The following HPS1 variants were observed in gnomAD, a reference collection of about 807,000 sequenced individuals.
HPS1 encodes the protein HPS1 biogenesis of lysosomal organelles complex 3 subunit 1, also known as BLOC-3 complex member HPS1.
Under a neutral mutation model 90.6 loss-of-function variants are expected in HPS1, and 59 were observed. That is an observed-to-expected ratio of 0.65 (90% confidence interval 0.53 to 0.81). HPS1 has a LOEUF of 0.81. HPS1 is among the 30% of genes least tolerant of loss of function. The pLI is 0.00. For missense variants in HPS1, 849 were observed against 896.7 expected (o/e 0.95, Z 0.68); for synonymous variants, 388 against 384.4 (o/e 1.01, Z -0.11).
Position 98,420,415 on chromosome 10 carries a change from C to G in HPS1, c.1744-257G>C, listed in dbSNP as rs142728664. The G allele has an allele frequency of 9.9e-4, 433 of 436,256 alleles. 2 individuals are homozygous for G. The highest frequency in any genetic ancestry group is 8.4e-3 in the African/African-American group (418 of 49,524). 27.0% of individuals were successfully genotyped at this position (436,256 alleles called of 1,614,324 possible). A position where few individuals can be genotyped will look rare whatever the true frequency, so the allele number is the denominator to read the frequency against. ...TGTGTAACTTTACTATACACATATG[C>G]CATAAATTAGTGAACTGGGCTAGTG... On this transcript the variant is annotated intron_variant, in intron 17 of 19. Coordinates refer to ENST00000361490, the MANE Select transcript of HPS1 (RefSeq NM_000195.5).
chr10:98,439,322 G>A (rs551410877), intron 3 of HPS1, among the ~76,000 whole-genome samples: 79 of 152,278 alleles, frequency 5.2e-4, no homozygotes, highest in African/African-American at 1.8e-3. Context: ...TGGAAAAGCC[G>A]CAGACACTCA....
chr10:98,444,543 C>A (rs1316746083), intron 2 of HPS1, among the ~76,000 whole-genome samples: 1 of 152,182 alleles, frequency 6.6e-6, no homozygotes, highest in East Asian at 1.9e-4. Context: ...GGTATGTGCG[C>A]TAAGCCATGA....
At chr10:98,427,410 G>A (rs557224994) in intron 10 of HPS1, 146 bp from the exon 11 acceptor site, 73 of 679,686 alleles carry the variant, frequency 1.1e-4, no homozygotes, top group Non-Finnish European at 1.8e-5. Flanking sequence ...TGTGGCTGGG[G>A]CAACACCCCT....
downstream of HPS1, chr10:98,415,241 C>T (rs1465186052): frequency 2.1e-5 from 29 of 1,394,764 alleles, no homozygotes; most frequent in Non-Finnish European, 2.8e-5. Context: ...AGAGGAGGAG[C>T]TGCAGTCCCC....
Position 98,417,392 on chromosome 10 carries a change from C to T in HPS1, c.*172G>A. 5.0e-6 allele frequency: 3 copies of T among 594,494 alleles called. No individual in the cohort carries two copies. The highest frequency in any genetic ancestry group is 8.9e-6 in the Non-Finnish European group (3 of 336,420). The allele number at this position is 594,494 out of a possible 1,614,324, so 36.8% of individuals were successfully genotyped here. A position where few individuals can be genotyped will look rare whatever the true frequency, so the allele number is the denominator to read the frequency against. On this transcript the variant is annotated 3_prime_UTR_variant, in exon 20 of 20. Transcript: ENST00000361490. The surrounding 1 kb of genome is among the most constrained non-coding windows in gnomAD (Gnocchi z 4.2). ...GAAGGATCTGGGGCCTTGCTCAGTA[C>T]CTGACATGGAGGGTGGTCTAGGTGG...
intron 11 of HPS1, 129 bp from the exon 12 acceptor site, chr10:98,426,114 C>T: frequency 7.3e-6 from 6 of 821,382 alleles, no homozygotes; most frequent in East Asian, 2.7e-5. Flanking sequence ...TAAATTCCTG[C>T]ACTCTGCTGA....
rs532477072 is a variant in HPS1, at chr10:98,435,165, G to A, written c.398+107C>T. The A allele has an allele frequency of 5.9e-6, 8 of 1,366,400 alleles. No homozygotes were observed. The highest frequency in any genetic ancestry group is 2.4e-4 in the Middle Eastern group (1 of 4,172). 84.6% of individuals were successfully genotyped at this position (1,366,400 alleles called of 1,614,324 possible). A position where few individuals can be genotyped will look rare whatever the true frequency, so the allele number is the denominator to read the frequency against. On this transcript the variant is annotated intron_variant, in intron 5 of 19. Transcript: ENST00000361490. The surrounding 1 kb of genome is among the most constrained non-coding windows in gnomAD (Gnocchi z 4.3). The stretch of plus-strand genomic sequence containing the variant: ...GTTTCTCTGACCTAGGGACCCAGCT[G>A]GGGGCAGTATGTGAAAAATGGCAGC...
intron 8 of HPS1, 60 bp downstream of exon 8, chr10:98,430,511 G>A (rs775897812): frequency 6.4e-5 from 85 of 1,323,466 alleles, no homozygotes; most frequent in Non-Finnish European, 8.6e-5. Flanking sequence ...CCATCTTCAG[G>A]CAGGTTTTCT....
intron 18 of HPS1, among the ~76,000 whole-genome samples, chr10:98,419,748 T>A (rs570230537): frequency 3.2e-4 from 49 of 152,332 alleles, no homozygotes; most frequent in African/African-American, 1.2e-3. Flanking sequence ...ACAAAGTGTG[T>A]GGTCTGAGTC....
intron 5 of HPS1, 49 bp from the exon 6 acceptor site, chr10:98,434,140 TC>T: frequency 1.3e-6 from 2 of 1,526,806 alleles, no homozygotes; most frequent in Non-Finnish European, 1.8e-6. Context: ...AAAGCTGGTC[TC>T]CCCCACACCC....
chr10:98,434,994 G>C, intron 5 of HPS1: 1 of 482,062 alleles, frequency 2.1e-6, no homozygotes. Flanking sequence ...GCACTGGACT[G>C]AGAGTCCTGA....
At chr10:98,421,989 C>CAG (rs1349548880) in intron 17 of HPS1, among the ~76,000 whole-genome samples, 3 of 149,510 alleles carry the variant, frequency 2.0e-5, no homozygotes, top group African/African-American at 7.4e-5. Context: ...GACACACACA[C>CAG]ACACACACAC....
chr10:98,418,636 G>A (rs1844439850), intron 18 of HPS1, among the ~76,000 whole-genome samples: 1 of 152,226 alleles, frequency 6.6e-6, no homozygotes, highest in Non-Finnish European at 1.5e-5. Context: ...GATAAGGTGG[G>A]GAAGGGAATT....
At position 98,435,320 on chromosome 10, in the gene HPS1, T is replaced by C. The variant is rs1268382499; in HGVS notation, c.350A>G (p.Glu117Gly). 1 of 1,613,452 alleles carries C rather than the reference T, an allele frequency of 6.2e-7. No homozygotes were observed. Among genetic ancestry groups the C allele is most frequent in the East Asian group, 2.2e-5 (1 of 44,826 alleles). ...CACAGTCACCAGCCCAAAGTGCACT[T>C]CAAACAGGTACTTGAGCACATACAG... Reference protein sequence around the residue: ...RKLYVLKYLFEVHFGLVTVDG... With the variant: ...RKLYVLKYLFGVHFGLVTVDG... Residue 117 changes from glutamate (E) to glycine (G), a missense_variant, in exon 5 of 20, where the codon GAA becomes GGA. Coordinates refer to ENST00000361490, the MANE Select transcript of HPS1 (RefSeq NM_000195.5). The surrounding 1 kb of genome is among the most constrained non-coding windows in gnomAD (Gnocchi z 4.3).
chr10:98,421,608 C>T (rs967048934), intron 17 of HPS1, among the ~76,000 whole-genome samples: 2 of 152,144 alleles, frequency 1.3e-5, no homozygotes, highest in African/African-American at 2.4e-5. Flanking sequence ...CAGAAAGAAA[C>T]GTACCAAGAT....
chr10:98,442,456 A>G (rs930306792), intron 3 of HPS1: 2 of 156,334 alleles, frequency 1.3e-5, no homozygotes, highest in African/African-American at 4.8e-5. Context: ...TGTGCAATTT[A>G]TGGTATGTTA....
intron 8 of HPS1, among the ~76,000 whole-genome samples, 176 bp from the exon 9 acceptor site, chr10:98,430,065 G>A (rs1413806451): frequency 6.6e-6 from 1 of 152,190 alleles, no homozygotes; most frequent in Non-Finnish European, 1.5e-5. Flanking sequence ...TAGGCGGTCT[G>A]TTCTGTGGAA....
At chr10:98,424,527 C>A (rs1213638997) in intron 13 of HPS1, among the ~76,000 whole-genome samples, 153 bp from the exon 14 acceptor site, 1 of 152,212 alleles carries the variant, frequency 6.6e-6, no homozygotes, top group Admixed American at 6.5e-5. Flanking sequence ...CAGGCCCCAC[C>A]AGCCCCCTGC....
At position 98,435,791 on chromosome 10, in the gene HPS1, A is replaced by T. The variant is rs758750874; in HGVS notation, c.118-19T>A. 4.6e-5 allele frequency: 74 copies of T among 1,613,870 alleles called. No individual in the cohort carries two copies. The Admixed American group carries it at 6.3e-4, about 14-fold the overall frequency. On this transcript the variant is annotated intron_variant, in intron 3 of 19. Coordinates refer to ENST00000361490, the MANE Select transcript of HPS1 (RefSeq NM_000195.5). The surrounding 1 kb of genome is among the most constrained non-coding windows in gnomAD (Gnocchi z 4.3). ...CAGGGAGCTGCAAAAATGGGGGAAA[A>T]TTTCACAGCTTAGAGTGGGCCAGAC...
Sources: allele counts gnomAD v4.1 joint callset (sites outside exome capture counted in the v4.1 genomes callset), GRCh38; gene constraint gnomAD v4.1.1; non-coding constraint Gnocchi (gnomAD v3.1); transcripts MANE v1.5; gene names NCBI Gene and HGNC (gene_info 2026-07-23, HGNC 2026-07-21).